Variants in CBFA2T2 observed in about 807,000 individuals in gnomAD.
CBFA2T2 encodes the protein protein CBFA2T2.
A neutral mutation model predicts 62.2 loss-of-function variants in CBFA2T2; 11 were observed. That is an observed-to-expected ratio of 0.18 (90% CI 0.11 to 0.29). The LOEUF is 0.29. CBFA2T2 is among the 10% of genes least tolerant of loss of function. The pLI is 1.00. For missense variants in CBFA2T2, 592 were observed against 774.1 expected (o/e 0.76, Z 2.79); for synonymous variants, 295 against 287.5 (o/e 1.03, Z -0.27).
At chr20:33,640,039 G>A (rs1441538946) in intron 9 of CBFA2T2, among the ~76,000 whole-genome samples, 1 of 152,168 alleles carries the variant, frequency 6.6e-6, no homozygotes, top group Non-Finnish European at 1.5e-5. Flanking sequence ...TGGAACTCTA[G>A]TCTCTTACGA....
At chr20:33,641,039 CT>C (rs895810658) in intron 10 of CBFA2T2, among the ~76,000 whole-genome samples, 41 of 145,478 alleles carry the variant, frequency 2.8e-4, no homozygotes, top group South Asian at 4.4e-4. Context: ...AGCACCTAGG[CT>C]TTTTTTTTTT....
intron 1 of CBFA2T2, among the ~76,000 whole-genome samples, chr20:33,538,714 C>CT (rs1223488671): frequency 1.3e-5 from 2 of 152,196 alleles, no homozygotes; most frequent in African/African-American, 4.8e-5. Context: ...AATTTTACTT[C>CT]TTTCCAATTA....
At chr20:33,563,780 G>A (rs1388283856) in intron 1 of CBFA2T2, among the ~76,000 whole-genome samples, 1 of 151,966 alleles carries the variant, frequency 6.6e-6, no homozygotes, top group Non-Finnish European at 1.5e-5. Context: ...TTTTTTTGCT[G>A]CGATAGATTC....
chr20:33,642,536 G>T (rs1371950052), intron 10 of CBFA2T2, among the ~76,000 whole-genome samples: 1 of 151,996 alleles, frequency 6.6e-6, no homozygotes, highest in Non-Finnish European at 1.5e-5. Context: ...AGCCCAGGAG[G>T]TGCAAGCCTG....
At chr20:33,618,703 AG>A (rs1197788382) in intron 3 of CBFA2T2, among the ~76,000 whole-genome samples, 1 of 152,132 alleles carries the variant, frequency 6.6e-6, no homozygotes, top group Admixed American at 6.5e-5. Context: ...GCCAGGAGGT[AG>A]GGGGCAGAAC....
intron 8 of CBFA2T2, among the ~76,000 whole-genome samples, chr20:33,636,183 C>T (rs1039744559): frequency 2.0e-5 from 3 of 146,512 alleles, no homozygotes; most frequent in African/African-American, 7.6e-5. Context: ...CACTTGAACC[C>T]GGGAGGCAGA....
intron 3 of CBFA2T2, among the ~76,000 whole-genome samples, chr20:33,617,968 A>G (rs2015773809): frequency 6.6e-6 from 1 of 152,192 alleles, no homozygotes; most frequent in African/African-American, 2.4e-5. Context: ...TAAATATATG[A>G]TATAATATGC....
At chr20:33,612,122 CTCCTCGTGCATATAAACTTGCTTAAGA>C (rs2015553571) in intron 3 of CBFA2T2, among the ~76,000 whole-genome samples, 1 of 152,206 alleles carries the variant, frequency 6.6e-6, no homozygotes, top group African/African-American at 2.4e-5. Flanking sequence ...CATTGTTCAG[CTCCTCGTGCATATAAACTTGCTTAAGA>C]ATTTGCAAGG....
intron 2 of CBFA2T2, among the ~76,000 whole-genome samples, chr20:33,609,231 T>C (rs771193520): frequency 6.6e-5 from 10 of 152,220 alleles, no homozygotes; most frequent in Non-Finnish European, 1.0e-4. Context: ...CCAGGCGCAG[T>C]GGCTCACACC....
chr20:33,592,236 G>A (rs961176555), intron 1 of CBFA2T2, among the ~76,000 whole-genome samples: 2 of 151,732 alleles, frequency 1.3e-5, no homozygotes, highest in African/African-American at 4.8e-5. Context: ...CGTGGCACGC[G>A]TCTGTAATCC....
chr20:33,566,463 G>A (rs189483809), intron 1 of CBFA2T2, among the ~76,000 whole-genome samples: 5 of 152,110 alleles, frequency 3.3e-5, no homozygotes, highest in Admixed American at 3.3e-4. Flanking sequence ...AAAATTAGCC[G>A]GGCGTGGTGA....
At position 33,642,105 on chromosome 20, in the gene CBFA2T2, CT is replaced by C. The variant is rs576434212; in HGVS notation, c.1488+1586del. On this transcript the variant is annotated intron_variant, in intron 10 of 10. Transcript: ENST00000342704. Reference sequence around the variant, plus strand: ...TTTTCGTTCTCTCCTCCTCCTTTGTCTTTTTTTTTTTTGTGTGTGTGTGTGT... The same window carrying C: ...TTTTCGTTCTCTCCTCCTCCTTTGTCTTTTTTTTTTTGTGTGTGTGTGTGT... Among the ~76,000 whole-genome samples the C allele has an allele frequency of 4.1e-3, 306 of 73,940 alleles. 1 individual carries two copies. Among genetic ancestry groups the C allele is most frequent in the Middle Eastern group, 9.4e-3 (1 of 106 alleles). 48.5% of individuals were successfully genotyped at this position (73,940 alleles called of 152,430 possible).
intron 1 of CBFA2T2, among the ~76,000 whole-genome samples, chr20:33,510,368 G>C (rs1445161596): frequency 6.6e-6 from 1 of 151,666 alleles, no homozygotes; most frequent in Admixed American, 6.6e-5. Flanking sequence ...CCTCCACCAC[G>C]CCCGGCTAAT....
chr20:33,567,684 G>C lies in CBFA2T2; in HGVS notation c.35-39272G>C, dbSNP rs189547633. ...TGCAACCTCCGCCTCTCAGGTTCAAGCAATTCTCCTGTCTCAGCCTCCCAA... is the reference window on the plus strand; with the variant it reads ...TGCAACCTCCGCCTCTCAGGTTCAACCAATTCTCCTGTCTCAGCCTCCCAA... On this transcript the variant is annotated intron_variant, in intron 1 of 10. Transcript: ENST00000342704. 3.5e-3 allele frequency among the ~76,000 whole-genome samples: 531 copies of C among 151,896 alleles called. 4 individuals carry two copies. The highest frequency in any genetic ancestry group is 0.012 in the African/African-American group (508 of 41,430).
intron 1 of CBFA2T2, among the ~76,000 whole-genome samples, chr20:33,563,211 T>C (rs2013155143): frequency 6.6e-6 from 1 of 152,226 alleles, no homozygotes; most frequent in Non-Finnish European, 1.5e-5. Context: ...GCTGTTTTCT[T>C]CTGTTTTCTT....
At chr20:33,644,217 T>C in intron 10 of CBFA2T2, 130 bp from the exon 11 acceptor site, 5 of 941,356 alleles carry the variant, frequency 5.3e-6, no homozygotes, top group Non-Finnish European at 7.9e-6. Flanking sequence ...AGGGCGGAGT[T>C]GACCACAGGT....
intron 1 of CBFA2T2, among the ~76,000 whole-genome samples, chr20:33,595,459 C>T (rs1188558951): frequency 6.6e-6 from 1 of 152,180 alleles, no homozygotes; most frequent in Non-Finnish European, 1.5e-5. Flanking sequence ...ATCCGCCCAC[C>T]TCGGCCTCCC....
intron 1 of CBFA2T2, among the ~76,000 whole-genome samples, chr20:33,559,224 CT>C (rs1417338443): frequency 7.9e-6 from 1 of 126,898 alleles, no homozygotes; most frequent in Non-Finnish European, 1.5e-5. Context: ...GTCACCCAGG[CT>C]GGAGTACAAT....
chr20:33,617,005 TG>T (rs1311770110), intron 3 of CBFA2T2, among the ~76,000 whole-genome samples: 1 of 152,156 alleles, frequency 6.6e-6, no homozygotes, highest in Non-Finnish European at 1.5e-5. Context: ...CAGGCCGACT[TG>T]AGGCCAGGAG....
Sources: allele counts gnomAD v4.1 joint callset (sites outside exome capture counted in the v4.1 genomes callset), GRCh38; gene constraint gnomAD v4.1.1; transcripts MANE v1.5; gene names NCBI Gene and HGNC (gene_info 2026-07-23, HGNC 2026-07-21).